EGLN2: variants seen among roughly 807,000 people sequenced by gnomAD.
The protein encoded by EGLN2 is egl-9 family hypoxia inducible factor 2.
In EGLN2, 15 loss-of-function variants were observed where a neutral mutation model predicts 38.2. The observed-to-expected ratio is 0.39, with a 90% confidence interval of 0.26 to 0.60. The LOEUF (loss-of-function observed/expected upper bound fraction) is 0.60, where lower values mean the gene tolerates loss of function less well. EGLN2 is among the 20% of genes least tolerant of loss of function. The pLI, the probability that EGLN2 is intolerant of heterozygous loss-of-function variation, is 0.50. For missense variants in EGLN2, 492 were observed against 570.4 expected (o/e 0.86, Z 1.40); for synonymous variants, 284 against 237.4 (o/e 1.20, Z -1.81).
chr19:40,803,332 C>T (rs1386811767), intron 2 of EGLN2: 1 of 152,276 alleles, frequency 6.6e-6, no homozygotes, highest in Admixed American at 6.6e-5. Context: ...GACAGGGCCC[C>T]AGCGAGGATT....
rs776876871 is a variant in EGLN2 at position 40,806,542 on chromosome 19, C to T, written c.844-13C>T. On this transcript the variant is annotated splice_polypyrimidine_tract_variant and intron_variant, in intron 2 of 5. Coordinates refer to ENST00000303961, the MANE Select transcript of EGLN2 (RefSeq NM_080732.4). ...CTAGCCCCAGTAAACCTACCTCCCT[C>T]CATCCCTGCCAGGCCATGGTGGCGT... is the stretch of plus-strand genomic sequence containing the variant. 1 of 1,614,018 alleles carries T rather than the reference C, an allele frequency of 6.2e-7. No homozygotes were observed. Among genetic ancestry groups the T allele is most frequent in the Non-Finnish European group, 8.5e-7 (1 of 1,179,942 alleles).
At chr19:40,805,615 C>T (rs1167222190) in intron 2 of EGLN2, 1 of 152,226 alleles carries the variant, frequency 6.6e-6, no homozygotes, top group Non-Finnish European at 1.5e-5. Flanking sequence ...TTTCCTTTAC[C>T]TCTCAGCCAC....
chr19:40,807,078 C>T (rs1209866025), intron 3 of EGLN2, 60 bp from the exon 4 acceptor site: 13 of 1,601,144 alleles, frequency 8.1e-6, no homozygotes, highest in Non-Finnish European at 1.1e-5. Context: ...TCCCGGGGCA[C>T]CGTGGGAGGC....
In EGLN2 at chr19:40,808,222, T is replaced by G; in HGVS notation, c.*358T>G. ...CAGGACTTGGGGTTGAGGTGAGTCA[T>G]GGCCTCTTGCTGGCAATGGGGTGGG... On this transcript the variant is annotated 3_prime_UTR_variant, in exon 6 of 6. Coordinates refer to ENST00000303961, the MANE Select transcript of EGLN2 (RefSeq NM_080732.4). 1 of 444,686 alleles carries G rather than the reference T, an allele frequency of 2.2e-6. No individual in the cohort carries two copies. Among genetic ancestry groups the G allele is most frequent in the East Asian group, 3.4e-5 (1 of 29,484 alleles). 27.5% of individuals were successfully genotyped at this position (444,686 alleles called of 1,614,324 possible). A position where few individuals can be genotyped will look rare whatever the true frequency, so the allele number is the denominator to read the frequency against.
chr19:40,807,296 A>G (rs767219150), intron 4 of EGLN2, 22 bp downstream of exon 4: 1 of 1,613,886 alleles, frequency 6.2e-7, no homozygotes, highest in Non-Finnish European at 8.5e-7. Flanking sequence ...ACTTCTGGAG[A>G]CGCACCCAGG....
Position 40,800,699 on chromosome 19 carries a change from C to A in EGLN2, c.127C>A (p.Pro43Thr). 6.2e-7 allele frequency: 1 copy of A among 1,614,058 alleles called. No individual in the cohort carries two copies. The highest frequency in any genetic ancestry group is 1.1e-5 in the South Asian group (1 of 91,078). Residue 43 changes from proline (P) to threonine (T), a missense_variant, in exon 2 of 6, where the codon CCC (proline) becomes ACC (threonine). Pro to Thr is a conservative substitution (Grantham distance 38). Around this residue, in one of 2 missense-constraint regions of EGLN2, gnomAD observed 378 missense variants for 386.2 expected, o/e 0.98. Coordinates refer to ENST00000303961, the MANE Select transcript of EGLN2 (RefSeq NM_080732.4). ...RMGVESYLPC[P>T]LLPSYHCPGV... ...GGGAGTGGAGAGTTACCTGCCCTGT[C>A]CCCTGCTCCCCTCCTACCACTGTCC... is the stretch of plus-strand genomic sequence containing the variant.
At chr19:40,807,397 G>A in intron 4 of EGLN2, 87 bp from the exon 5 acceptor site, 1 of 1,604,644 alleles carries the variant, frequency 6.2e-7, no homozygotes, top group Admixed American at 1.7e-5. Flanking sequence ...AGCAGAACCG[G>A]GTGGCTCAAA....
chr19:40,803,335 C>G (rs11666504), intron 2 of EGLN2: 1 of 152,016 alleles, frequency 6.6e-6, no homozygotes, highest in Non-Finnish European at 1.5e-5. Context: ...AGGGCCCCAG[C>G]GAGGATTGGG....
At chr19:40,801,502 AC>A (rs751894415) in intron 2 of EGLN2, 87 bp downstream of exon 2, 23 of 1,522,652 alleles carry the variant, frequency 1.5e-5, no homozygotes, top group Non-Finnish European at 2.0e-5. Flanking sequence ...GGGTTTGGAG[AC>A]AGGCTTCTGG....
intron 1 of EGLN2, 181 bp from the exon 2 acceptor site, chr19:40,800,158 G>A (rs2083242707): frequency 5.1e-6 from 1 of 194,312 alleles, no homozygotes; most frequent in South Asian, 9.4e-5. Flanking sequence ...ATCTGTCAGC[G>A]GACTCCCGCA....
At chr19:40,802,912 T>C (rs1053863962) in intron 2 of EGLN2, among the ~76,000 whole-genome samples, 5 of 152,392 alleles carry the variant, frequency 3.3e-5, no homozygotes, top group African/African-American at 1.2e-4. Context: ...GTTCTGCTTC[T>C]GTGTGGCTTT....
At chr19:40,804,010 T>TC (rs1405461950) in intron 2 of EGLN2, 2 of 152,078 alleles carry the variant, frequency 1.3e-5, no homozygotes, top group Non-Finnish European at 2.9e-5. Context: ...GAGGATGCTT[T>TC]CACCCCCAAG....
chr19:40,800,923 C>T lies in EGLN2; in HGVS notation c.351C>T (p.Pro117=). The T allele has an allele frequency of 1.2e-6, 2 of 1,609,808 alleles. No individual in the cohort carries two copies. The highest frequency in any genetic ancestry group is 1.7e-6 in the Non-Finnish European group (2 of 1,178,480). Residue 117 remains proline, a synonymous_variant, in exon 2 of 6, where the codon CCC becomes CCT. Transcript: ENST00000303961. The part of the protein sequence containing the change: ...LAAQGARPEA[P]KRKWAEDGGD... Reference sequence around the variant, plus strand: ...CCCAGGGCGCACGGCCTGAGGCCCCCAAACGGAAATGGGCCGAGGATGGTG... The same window carrying T: ...CCCAGGGCGCACGGCCTGAGGCCCCTAAACGGAAATGGGCCGAGGATGGTG...
In EGLN2 at chr19:40,800,329, C is replaced by A; in HGVS notation, c.-234-10C>A. ...TCTCTCACATCCCTTTTTTTTTTTC[C>A]TTTCTCTAGCCACCCTGAAGGGTCC... On this transcript the variant is annotated splice_polypyrimidine_tract_variant and intron_variant, in intron 1 of 5. Coordinates refer to ENST00000303961, the MANE Select transcript of EGLN2 (RefSeq NM_080732.4). 2.1e-6 allele frequency: 1 copy of A among 468,698 alleles called. No homozygotes were observed. The highest frequency in any genetic ancestry group is 3.7e-6 in the Non-Finnish European group (1 of 269,658). The allele number at this position is 468,698 out of a possible 1,614,324, so 29.0% of individuals were successfully genotyped here.
chr19:40,799,847 C>T (rs543910069), intron 1 of EGLN2: 26 of 152,604 alleles, frequency 1.7e-4, no homozygotes, highest in Admixed American at 1.0e-3. Context: ...TTTTCTGTCT[C>T]TGGGCCCCTC....
At chr19:40,806,792 T>C (rs1324849495) in intron 3 of EGLN2, 118 bp downstream of exon 3, 2 of 1,390,532 alleles carry the variant, frequency 1.4e-6, no homozygotes, top group Admixed American at 4.1e-5. Flanking sequence ...GTTTCTCTTC[T>C]CAACACACAG....
intron 1 of EGLN2, chr19:40,799,947 G>A (rs530337013): frequency 8.2e-6 from 1 of 122,678 alleles, no homozygotes; most frequent in African/African-American, 3.2e-5. Context: ...CACGTTTCTC[G>A]TTGTCTTTCT....
At position 40,800,796 on chromosome 19, in the gene EGLN2, C is replaced by T; in HGVS notation, c.224C>T (p.Pro75Leu). 1.2e-6 allele frequency: 2 copies of T among 1,613,554 alleles called. No individual in the cohort carries two copies. The highest frequency in any genetic ancestry group is 1.7e-5 in the Admixed American group (1 of 60,016). The change falls in exon 2 of 6, where the codon CCT becomes CTT. Residue 75 changes from proline to leucine, a missense_variant. Pro to Leu is a moderately conservative substitution (Grantham distance 98). Transcript: ENST00000303961. ...RATATSTTAS[P>L]LRDGFGGQDG... ...ACAGCCACCTCTACCACTGCCAGCCCTCTTCGGGACGGTTTTGGCGGGCAG... is the reference window on the plus strand; with the variant it reads ...ACAGCCACCTCTACCACTGCCAGCCTTCTTCGGGACGGTTTTGGCGGGCAG...
At chr19:40,807,363 G>C (rs8111961) in intron 4 of EGLN2, 89 bp downstream of exon 4, 2 of 1,605,286 alleles carry the variant, frequency 1.2e-6, no homozygotes, top group Non-Finnish European at 1.7e-6. Context: ...GAGCGACGAA[G>C]TATTGAGAGG....
Sources: gnomAD v4.1 joint callset for allele counts (sites outside exome capture counted in the v4.1 genomes callset) on GRCh38, gnomAD v4.1.1 for gene constraint, gnomAD v4.1.1 regional missense constraint, MANE v1.5 for transcripts, NCBI Gene and HGNC (gene_info 2026-07-23, HGNC 2026-07-21) for gene names.